Variants in HS3ST4 observed in about 807,000 individuals in gnomAD.
HS3ST4 encodes the protein heparan sulfate glucosamine 3-O-sulfotransferase 4.
A neutral mutation model predicts 29.2 loss-of-function variants in HS3ST4; 17 were observed. The ratio of observed to expected loss-of-function variants is 0.58; its 90% confidence interval spans 0.40 to 0.87. The LOEUF (loss-of-function observed/expected upper bound fraction) is 0.87, where lower values mean the gene tolerates loss of function less well. Ranked by LOEUF, HS3ST4 falls within the 40% of genes least tolerant of loss-of-function variation. The pLI is 0.00. For synonymous variants in HS3ST4, 314 were observed against 285.7 expected, an observed-to-expected ratio of 1.10 and a Z score of -1.00; for missense variants, 627 against 634.5, an observed-to-expected ratio of 0.99 and a Z score of 0.13.
At chr16:25,716,060 A>G (rs1466625085) in intron 1 of HS3ST4, among the ~76,000 whole-genome samples, 1 of 152,220 alleles carries the variant, frequency 6.6e-6, no homozygotes, top group African/African-American at 2.4e-5. Context: ...AAGAAGGGTC[A>G]CATCTGGTGT....
intron 1 of HS3ST4, among the ~76,000 whole-genome samples, chr16:25,979,834 CT>C (rs1376750629): frequency 6.6e-6 from 1 of 152,202 alleles, no homozygotes; most frequent in African/African-American, 2.4e-5. Flanking sequence ...TTCTCCTCTC[CT>C]TGCCTAGAAG....
At chr16:26,059,723 C>T (rs1373274338) in intron 1 of HS3ST4, among the ~76,000 whole-genome samples, 2 of 152,114 alleles carry the variant, frequency 1.3e-5, no homozygotes, top group Non-Finnish European at 2.9e-5. Context: ...GGAAGGTGAA[C>T]ACATTTTAAT....
At chr16:25,994,509 C>G (rs1969142550) in intron 1 of HS3ST4, among the ~76,000 whole-genome samples, 1 of 152,070 alleles carries the variant, frequency 6.6e-6, no homozygotes, top group African/African-American at 2.4e-5. Flanking sequence ...CCCATACTGC[C>G]TTTTGGCTAA....
At chr16:26,112,287 A>G (rs1899142579) in intron 1 of HS3ST4, among the ~76,000 whole-genome samples, 1 of 150,198 alleles carries the variant, frequency 6.7e-6, no homozygotes, top group Admixed American at 6.7e-5. Context: ...GTGTCTTAAG[A>G]CTGTAATATC....
chr16:25,847,013 G>GTTTT (rs5816327), intron 1 of HS3ST4, among the ~76,000 whole-genome samples: 272 of 138,330 alleles, frequency 2.0e-3, no homozygotes, highest in African/African-American at 6.9e-3. Context: ...ATCAACACGA[G>GTTTT]TTTTTTTTTT....
rs1302755042 is a variant in HS3ST4, at chr16:25,699,481, C to T, written c.734+6330C>T. ...AGGAGTGCTTGTATTTGATCTATAT[C>T]GATAACTTGCACTTATAAAATAGAT... On this transcript the variant is annotated intron_variant, in intron 1 of 1. Transcript: ENST00000331351. Among the ~76,000 whole-genome samples, 6 of 152,186 alleles carry T rather than the reference C, an allele frequency of 3.9e-5. No individual in the cohort carries two copies. The East Asian group carries it at 1.2e-3, about 29-fold the overall frequency.
At chr16:25,830,452 G>A (rs1001555193) in intron 1 of HS3ST4, among the ~76,000 whole-genome samples, 1 of 152,118 alleles carries the variant, frequency 6.6e-6, no homozygotes, top group East Asian at 1.9e-4. Flanking sequence ...TCTGCAGGGG[G>A]AGGCATCACC....
intron 1 of HS3ST4, among the ~76,000 whole-genome samples, chr16:25,723,704 A>G (rs1456061461): frequency 1.3e-5 from 2 of 152,186 alleles, no homozygotes; most frequent in African/African-American, 4.8e-5. Flanking sequence ...TTCAGCCTAG[A>G]AGTGATTTAC....
chr16:25,715,606 C>T (rs183164525), intron 1 of HS3ST4, among the ~76,000 whole-genome samples: 4 of 152,320 alleles, frequency 2.6e-5, no homozygotes, highest in South Asian at 2.1e-4. Flanking sequence ...TGAACTGCTG[C>T]GGAATCATTT....
At chr16:25,850,808 G>A (rs959669176) in intron 1 of HS3ST4, among the ~76,000 whole-genome samples, 16 of 152,214 alleles carry the variant, frequency 1.1e-4, no homozygotes, top group African/African-American at 2.9e-4. Context: ...TTACTAGGTC[G>A]TTGTGTCTGG....
At chr16:25,722,585 G>A (rs1349434305) in intron 1 of HS3ST4, among the ~76,000 whole-genome samples, 1 of 152,182 alleles carries the variant, frequency 6.6e-6, no homozygotes, top group East Asian at 1.9e-4. Context: ...TATTTTAACA[G>A]GCTATTTCAA....
At chr16:25,848,413 T>A (rs1468545112) in intron 1 of HS3ST4, among the ~76,000 whole-genome samples, 1 of 152,172 alleles carries the variant, frequency 6.6e-6, no homozygotes. Context: ...GTGCTGGGAT[T>A]ATAGGAGTGA....
At chr16:25,916,109 G>A (rs1567271787) in intron 1 of HS3ST4, among the ~76,000 whole-genome samples, 1 of 152,150 alleles carries the variant, frequency 6.6e-6, no homozygotes, top group Non-Finnish European at 1.5e-5. Flanking sequence ...CAGAACTCAT[G>A]ACCACTTGGC....
chr16:25,933,315 A>G (rs540909224), intron 1 of HS3ST4: 7 of 497,800 alleles, frequency 1.4e-5, no homozygotes, highest in South Asian at 8.8e-5. Flanking sequence ...AGAAAAGGTT[A>G]GTTTCTCTAA....
At chr16:26,111,286 G>A (rs988382384) in intron 1 of HS3ST4, among the ~76,000 whole-genome samples, 39 of 152,078 alleles carry the variant, frequency 2.6e-4, no homozygotes, top group African/African-American at 9.2e-4. Context: ...TGTTGTCCAA[G>A]CTGTTCTTAA....
In HS3ST4 at chr16:25,692,644, C is replaced by T. The variant is rs1482402058; in HGVS notation, c.227C>T (p.Pro76Leu). 5 of 1,360,072 alleles carry T rather than the reference C, an allele frequency of 3.7e-6. No homozygotes were observed. Among genetic ancestry groups the T allele is most frequent in the Admixed American group, 2.6e-5 (1 of 38,222 alleles). 84.3% of individuals were successfully genotyped at this position (1,360,072 alleles called of 1,614,324 possible). A position where few individuals can be genotyped will look rare whatever the true frequency, so the allele number is the denominator to read the frequency against. ...TCGCCGGGCGCCGCCGCCGAGCCCC[C>T]GCCGAGCCCGCCGCCACCCTCTCTG... ...QESPGAAAEP[P>L]PSPPPPSLLP... The change falls in exon 1 of 2, where the codon CCG (proline) becomes CTG (leucine). Residue 76 changes from proline to leucine, a missense_variant. Transcript: ENST00000331351.
chr16:25,776,043 C>T (rs1309910302), intron 1 of HS3ST4, among the ~76,000 whole-genome samples: 2 of 152,348 alleles, frequency 1.3e-5, no homozygotes, highest in Non-Finnish European at 2.9e-5. Context: ...TTAGCCTCCT[C>T]CTCTCAGTCC....
chr16:25,974,290 C>G (rs1968923554), intron 1 of HS3ST4, among the ~76,000 whole-genome samples: 1 of 152,164 alleles, frequency 6.6e-6, no homozygotes, highest in South Asian at 2.1e-4. Flanking sequence ...TCCATAGTCT[C>G]CAGGATCATT....
At position 26,111,295 on chromosome 16, in the gene HS3ST4, A is replaced by G. The variant is rs138724791; in HGVS notation, c.735-24317A>G. ...GGGCTCTGTTGTCCAAGCTGTTCTT[A>G]AACTCCTGGCCTCAAGTGATCCTCC... On this transcript the variant is annotated intron_variant, in intron 1 of 1. Transcript: ENST00000331351. Among the ~76,000 whole-genome samples, 1,201 of 152,142 alleles carry G rather than the reference A, an allele frequency of 7.9e-3. 13 individuals are homozygous for G. The highest frequency in any genetic ancestry group is 0.028 in the African/African-American group (1,146 of 41,514).
Sources: gnomAD v4.1 joint callset for allele counts (sites outside exome capture counted in the v4.1 genomes callset) on GRCh38, gnomAD v4.1.1 for gene constraint, MANE v1.5 for transcripts, NCBI Gene and HGNC (gene_info 2026-07-23, HGNC 2026-07-21) for gene names.